Variants in MYO1G observed in about 807,000 individuals in gnomAD.
MYO1G encodes unconventional myosin-Ig.
MYO1G carries 65 observed loss-of-function variants against 115.3 expected under a neutral mutation model. The ratio of observed to expected loss-of-function variants is 0.56; its 90% CI spans 0.46 to 0.69. The LOEUF (loss-of-function observed/expected upper bound fraction) is 0.69, where lower values mean the gene tolerates loss of function less well. Among genes scored for constraint, MYO1G ranks in the 30% least tolerant of loss-of-function variants. The probability of loss-of-function intolerance (pLI) is 0.00; values close to 1 mark genes in which losing one functional copy is unlikely to be tolerated. For missense variants in MYO1G, 1,204 were observed against 1,393.5 expected (o/e 0.86, Z 2.16); for synonymous variants, 510 against 552.6 (o/e 0.92, Z 1.08).
rs763979006 is a variant in MYO1G, at chr7:44,970,632, C to G, written c.1177G>C (p.Val393Leu). 6.2e-7 allele frequency: 1 copy of G among 1,613,802 alleles called. No homozygotes were observed. Among genetic ancestry groups the G allele is most frequent in the African/African-American group, 1.3e-5 (1 of 75,060 alleles). The change falls in exon 9 of 22, where the codon GTG (valine) becomes CTG (leucine). Residue 393 changes from valine to leucine, a missense_variant. Transcript: ENST00000258787. ...ACCTCGAAGCCATAGATGTCCAGCACGCCAATGACTGTGTCCTTGCCATCA... is the reference window on the plus strand; with the variant it reads ...ACCTCGAAGCCATAGATGTCCAGCAGGCCAATGACTGTGTCCTTGCCATCA... ...RRDGKDTVIG[V>L]LDIYGFEVFP...
chr7:44,972,544 G>A (rs1794978574), intron 5 of MYO1G: 1 of 359,112 alleles, frequency 2.8e-6, no homozygotes, highest in South Asian at 2.4e-5. Context: ...CACCTCAGTG[G>A]GTAGCTCAGA....
intron 5 of MYO1G, chr7:44,974,892 TCA>T (rs1795019774): frequency 1.9e-6 from 1 of 514,828 alleles, no homozygotes. Context: ...AGCTTATTGT[TCA>T]CAGAGACACT....
At position 44,962,755 on chromosome 7, in the gene MYO1G, A is replaced by T; in HGVS notation, c.3041T>A (p.Leu1014His). ...TGCGGGCGCTCAGCGGCTGGGCCAG[A>T]GCAGGGTGAAGGAGCCGCGAGCGCA... ...FRCARGSFTLLWPSR is the reference protein window; with the variant it reads ...FRCARGSFTLHWPSR The change falls in exon 22 of 22, where the codon CTC becomes CAC. Residue 1014 changes from leucine (L) to histidine (H), a missense_variant. Leu to His is a moderately conservative substitution (Grantham distance 99). Coordinates refer to ENST00000258787, the MANE Select transcript of MYO1G (RefSeq NM_033054.3). This position sits in a 1 kb window ranked among gnomAD's most constrained non-coding sequence, Gnocchi z 5.3. 6.8e-7 allele frequency: 1 copy of T among 1,478,260 alleles called. No individual in the cohort carries two copies. Among genetic ancestry groups the T allele is most frequent in the East Asian group, 2.6e-5 (1 of 38,052 alleles). 91.6% of individuals were successfully genotyped at this position (1,478,260 alleles called of 1,614,324 possible).
Position 44,967,638 on chromosome 7 carries a change from G to A in MYO1G, c.1749C>T (p.Ser583=). 1 of 1,613,898 alleles carries A rather than the reference G, an allele frequency of 6.2e-7. No homozygotes were observed. Among genetic ancestry groups the A allele is most frequent in the Non-Finnish European group, 8.5e-7 (1 of 1,180,032 alleles). Residue 583 remains serine (S), a synonymous_variant, in exon 14 of 22, where the codon TCC becomes TCT. Transcript: ENST00000258787. The part of the protein sequence containing the change: ...PLTAGTLFKN[S]MVALVENLAS... ...CAAGGTTCTCCACCAGGGCCACCAT[G>A]GAGTTCTTGAAGAGTGTGCCAGCCG...
chr7:44,976,889 G>C lies in MYO1G; in HGVS notation c.278C>G (p.Ser93Cys). Reference protein sequence around the residue: ...NAAYKAMKHRSRDTCIVISGE... With the variant: ...NAAYKAMKHRCRDTCIVISGE... Reference sequence around the variant, plus strand: ...TGAGATGACGATGCAGGTGTCCCTGGACCGGTGCTTCATTGCCTTGTAGGC... The same window carrying C: ...TGAGATGACGATGCAGGTGTCCCTGCACCGGTGCTTCATTGCCTTGTAGGC... Residue 93 changes from serine to cysteine, a missense_variant, in exon 2 of 22, where the codon TCC becomes TGC. Ser to Cys is a moderately radical substitution (Grantham distance 112). Coordinates refer to ENST00000258787, the MANE Select transcript of MYO1G (RefSeq NM_033054.3). The C allele has an allele frequency of 6.2e-7, 1 of 1,613,488 alleles. No homozygotes were observed. The highest frequency in any genetic ancestry group is 8.5e-7 in the Non-Finnish European group (1 of 1,180,038).
At chr7:44,975,427 C>A in intron 4 of MYO1G, 57 bp downstream of exon 4, 1 of 1,574,666 alleles carries the variant, frequency 6.4e-7, no homozygotes, top group Non-Finnish European at 8.6e-7. Flanking sequence ...CTTCCCAGGC[C>A]TGGGATGGGT....
chr7:44,964,565 T>C lies in MYO1G; in HGVS notation c.2527-46A>G, dbSNP rs1182762304. ...GGGGGCGCTGCTTGGGATTGAGTCA[T>C]GGGACCAGACTCAATTGATAGCAGC... is the stretch of plus-strand genomic sequence containing the variant. On this transcript the variant is annotated intron_variant, in intron 18 of 21. Coordinates refer to ENST00000258787, the MANE Select transcript of MYO1G (RefSeq NM_033054.3). This position sits in a 1 kb window ranked among gnomAD's most constrained non-coding sequence, Gnocchi z 5.1. The C allele has an allele frequency of 3.5e-6, 5 of 1,444,994 alleles. No individual in the cohort carries two copies. Among genetic ancestry groups the C allele is most frequent in the Non-Finnish European group, 4.9e-6 (5 of 1,026,956 alleles). The allele number at this position is 1,444,994 out of a possible 1,614,324, so 89.5% of individuals were successfully genotyped here.
At position 44,967,973 on chromosome 7, in the gene MYO1G, G is replaced by T; in HGVS notation, c.1575-15C>A. 2 of 1,612,724 alleles carry T rather than the reference G, an allele frequency of 1.2e-6. No individual in the cohort carries two copies. Among genetic ancestry groups the T allele is most frequent in the Non-Finnish European group, 1.7e-6 (2 of 1,179,182 alleles). On this transcript the variant is annotated splice_polypyrimidine_tract_variant and intron_variant, in intron 12 of 21. Coordinates refer to ENST00000258787, the MANE Select transcript of MYO1G (RefSeq NM_033054.3). ...CCACGGAGTACCTACCAGAAGCCAGGGCTGGTGAGGGAGCAGGGGCGGGGG... is the reference window on the plus strand; with the variant it reads ...CCACGGAGTACCTACCAGAAGCCAGTGCTGGTGAGGGAGCAGGGGCGGGGG...
chr7:44,966,413 C>T lies in MYO1G; in HGVS notation c.1950-133G>A, dbSNP rs1794845213. 1 of 878,344 alleles carries T rather than the reference C, an allele frequency of 1.1e-6. No homozygotes were observed. The highest frequency in any genetic ancestry group is 1.8e-6 in the Non-Finnish European group (1 of 548,156). The allele number at this position is 878,344 out of a possible 1,614,324, so 54.4% of individuals were successfully genotyped here. On this transcript the variant is annotated intron_variant, in intron 15 of 21. Coordinates refer to ENST00000258787, the MANE Select transcript of MYO1G (RefSeq NM_033054.3). The surrounding 1 kb of genome is among the most constrained non-coding windows in gnomAD (Gnocchi z 5.0). ...CTGGAGCACTTATGACACCTGTGCA[C>T]ATATGTCTTCCCATACACATGTCCT...
rs1308397334 is a variant in MYO1G, at chr7:44,971,068, G to A, written c.847-9C>T. On this transcript the variant is annotated splice_polypyrimidine_tract_variant and intron_variant, in intron 7 of 21. Transcript: ENST00000258787. ...ACAAACTCGATGTTTCCCTGGTGAT[G>A]GGAAAACCATGAACAGTCCGGGCTC... 2 of 1,605,636 alleles carry A rather than the reference G, an allele frequency of 1.2e-6. No homozygotes were observed. The highest frequency in any genetic ancestry group is 1.1e-5 in the South Asian group (1 of 90,688).
Position 44,964,401 on chromosome 7 carries a change from G to A in MYO1G, c.2631+14C>T. The stretch of plus-strand genomic sequence containing the variant: ...AGAGCACAGCCCTGAAGCCATCCTT[G>A]TCCCTTGTCTAACCTTGCGGACATG... On this transcript the variant is annotated intron_variant, in intron 19 of 21. Transcript: ENST00000258787. This position sits in a 1 kb window ranked among gnomAD's most constrained non-coding sequence, Gnocchi z 5.1. 6.2e-7 allele frequency: 1 copy of A among 1,607,238 alleles called. No homozygotes were observed. The highest frequency in any genetic ancestry group is 8.5e-7 in the Non-Finnish European group (1 of 1,173,898).
chr7:44,972,252 A>G, intron 5 of MYO1G, 27 bp from the exon 6 acceptor site: 1 of 1,541,836 alleles, frequency 6.5e-7, no homozygotes, highest in Non-Finnish European at 9.0e-7. Flanking sequence ...TCCTTTAGAC[A>G]AATAAGCTCC....
chr7:44,970,777 C>A, intron 8 of MYO1G, 40 bp from the exon 9 acceptor site: 1 of 1,613,502 alleles, frequency 6.2e-7, no homozygotes, highest in East Asian at 2.2e-5. Context: ...TGCCTCTGGC[C>A]TGGCCTCCCC....
rs1794856630 is a variant in MYO1G, at chr7:44,966,901, A to T, written c.1783-63T>A. On this transcript the variant is annotated intron_variant, in intron 14 of 21. Transcript: ENST00000258787. This position sits in a 1 kb window ranked among gnomAD's most constrained non-coding sequence, Gnocchi z 5.0. ...AGCAGCACTGTGCACCCTGCCCCACACCAGGGGCTTCCTAACCCCTCAAGG... is the reference window on the plus strand; with the variant it reads ...AGCAGCACTGTGCACCCTGCCCCACTCCAGGGGCTTCCTAACCCCTCAAGG... 1 of 1,488,254 alleles carries T rather than the reference A, an allele frequency of 6.7e-7. No individual in the cohort carries two copies. 92.2% of individuals were successfully genotyped at this position (1,488,254 alleles called of 1,614,324 possible).
chr7:44,969,722 G>A lies in MYO1G; in HGVS notation c.1486C>T (p.His496Tyr), dbSNP rs758921531. 3.1e-6 allele frequency: 5 copies of A among 1,611,736 alleles called. No homozygotes were observed. Among genetic ancestry groups the A allele is most frequent in the Non-Finnish European group, 2.5e-6 (3 of 1,179,954 alleles). ...GGGGGCACCTGGCGGCTGGTGTAGT[G>A]TAGGTGATGGCGGTGGTGCATGTCC... ...TLDMHHRHHLHYTSRQLCPTD... is the reference protein window; with the variant it reads ...TLDMHHRHHLYYTSRQLCPTD... The change falls in exon 11 of 22, where the codon CAC (histidine) becomes TAC (tyrosine). Residue 496 changes from histidine to tyrosine, a missense_variant. By Grantham distance (83) the His-to-Tyr change is moderately conservative. Transcript: ENST00000258787. This position sits in a 1 kb window ranked among gnomAD's most constrained non-coding sequence, Gnocchi z 5.0.
Position 44,970,985 on chromosome 7 carries a change from C to T in MYO1G, c.921G>A (p.Leu307=), listed in dbSNP as rs767622725. The change falls in exon 8 of 22, where the codon CTG becomes CTA. Residue 307 remains leucine (L), a synonymous_variant. Coordinates refer to ENST00000258787, the MANE Select transcript of MYO1G (RefSeq NM_033054.3). Reference sequence around the variant, plus strand: ...CCGTCAGCTCAGCCACATGGTCCACCAGTGCCTCCTCGGCCACTGCCAGGC... The same window carrying T: ...CCGTCAGCTCAGCCACATGGTCCACTAGTGCCTCCTCGGCCACTGCCAGGC... ...KEGLAVAEEA[L]VDHVAELTAT... The T allele has an allele frequency of 1.2e-6, 2 of 1,613,520 alleles. No homozygotes were observed. The highest frequency in any genetic ancestry group is 2.2e-5 in the South Asian group (2 of 91,072).
Position 44,977,044 on chromosome 7 carries a change from G to A in MYO1G, c.123C>T (p.Tyr41=), listed in dbSNP as rs760293900. The change falls in exon 2 of 22, where the codon TAC becomes TAT. Residue 41 remains tyrosine (Y), a synonymous_variant. Transcript: ENST00000258787. ...LRFEKGRIYT[Y]IGEVLVSVNP... Reference sequence around the variant, plus strand: ...TCACGGACACCAGCACCTCACCGATGTAGGTGTAGATGCGGCCCTTCTCGA... The same window carrying A: ...TCACGGACACCAGCACCTCACCGATATAGGTGTAGATGCGGCCCTTCTCGA... The A allele has an allele frequency of 1.4e-5, 22 of 1,613,364 alleles. No homozygotes were observed. Among genetic ancestry groups the A allele is most frequent in the Non-Finnish European group, 1.6e-5 (19 of 1,180,012 alleles).
At chr7:44,970,377 G>C (rs1794932461) in intron 9 of MYO1G, among the ~76,000 whole-genome samples, 1 of 152,172 alleles carries the variant, frequency 6.6e-6, no homozygotes, top group Non-Finnish European at 1.5e-5. Context: ...TCACAACCAG[G>C]AATTACTCAT....
Position 44,966,640 on chromosome 7 carries a change from C to T in MYO1G, c.1949+32G>A. On this transcript the variant is annotated intron_variant, in intron 15 of 21. Coordinates refer to ENST00000258787, the MANE Select transcript of MYO1G (RefSeq NM_033054.3). The surrounding 1 kb of genome is among the most constrained non-coding windows in gnomAD (Gnocchi z 5.0). ...CTTGGACTCCACACAGGGACTATGGCCCATGGAGTGATGGGTGTCAGGTGC... is the reference window on the plus strand; with the variant it reads ...CTTGGACTCCACACAGGGACTATGGTCCATGGAGTGATGGGTGTCAGGTGC... 1 of 1,612,412 alleles carries T rather than the reference C, an allele frequency of 6.2e-7. No homozygotes were observed. Among genetic ancestry groups the T allele is most frequent in the Non-Finnish European group, 8.5e-7 (1 of 1,179,722 alleles).
Sources: gnomAD v4.1 joint callset for allele counts (sites outside exome capture counted in the v4.1 genomes callset) on GRCh38, gnomAD v4.1.1 for gene constraint, Gnocchi (gnomAD v3.1) non-coding constraint, MANE v1.5 for transcripts, NCBI Gene and HGNC (gene_info 2026-07-23, HGNC 2026-07-21) for gene names.